Variants in CPNE4 observed in about 807,000 individuals in gnomAD.
CPNE4 encodes copine 4.
In CPNE4, 25 loss-of-function variants were observed where a neutral mutation model predicts 67.9. The observed-to-expected ratio is 0.37, with a 90% CI of 0.27 to 0.51. The LOEUF is 0.51. Among genes scored for constraint, CPNE4 ranks in the 20% least tolerant of loss-of-function variants. The pLI, the probability that CPNE4 is intolerant of heterozygous loss-of-function variation, is 0.93. For missense variants in CPNE4, 464 were observed against 690.8 expected, an observed-to-expected ratio of 0.67 and a Z score of 3.68; for synonymous variants, 242 against 244.9, an observed-to-expected ratio of 0.99 and a Z score of 0.11.
At chr3:131,606,598 T>G (rs758473047) in intron 7 of CPNE4, among the ~76,000 whole-genome samples, 32 of 152,168 alleles carry the variant, frequency 2.1e-4, no homozygotes, top group Non-Finnish European at 4.7e-4. Flanking sequence ...TTTGGATTAC[T>G]TGGGCTGAAT....
In CPNE4 at chr3:131,900,099, G is replaced by T. The variant is rs553192757; in HGVS notation, c.180+5165C>A. Among the ~76,000 whole-genome samples the T allele has an allele frequency of 2.6e-5, 4 of 151,970 alleles. No individual in the cohort carries two copies. The South Asian group carries it at 8.3e-4, about 32-fold the overall frequency. Reference sequence around the variant, plus strand: ...GAAAATGAAAAACAGTGGAGGGATCGGAATTAATCACCAGAATTATAAGGA... The same window carrying T: ...GAAAATGAAAAACAGTGGAGGGATCTGAATTAATCACCAGAATTATAAGGA... On this transcript the variant is annotated intron_variant, in intron 2 of 15. Transcript: ENST00000429747.
chr3:131,685,974 G>T lies in CPNE4; in HGVS notation c.508-16C>A. 2 of 1,423,110 alleles carry T rather than the reference G, an allele frequency of 1.4e-6. No homozygotes were observed. The highest frequency in any genetic ancestry group is 2.0e-6 in the Non-Finnish European group (2 of 1,008,248). 88.2% of individuals were successfully genotyped at this position (1,423,110 alleles called of 1,614,324 possible). On this transcript the variant is annotated splice_polypyrimidine_tract_variant and intron_variant, in intron 5 of 15. Coordinates refer to ENST00000429747, the MANE Select transcript of CPNE4 (RefSeq NM_130808.3). Reference sequence around the variant, plus strand: ...TGAAGAAATCCTAAAATAGATAAACGTCAATGAATTGTTTTTCCTCCTGCA... The same window carrying T: ...TGAAGAAATCCTAAAATAGATAAACTTCAATGAATTGTTTTTCCTCCTGCA...
chr3:131,985,778 G>T (rs577893064), intron 1 of CPNE4: 2 of 153,828 alleles, frequency 1.3e-5, no homozygotes, highest in South Asian at 2.0e-4. Context: ...TAAGTGAGAT[G>T]CTGTAATAAA....
At chr3:131,860,551 C>T (rs1379604935) in intron 2 of CPNE4, among the ~76,000 whole-genome samples, 1 of 152,170 alleles carries the variant, frequency 6.6e-6, no homozygotes, top group Non-Finnish European at 1.5e-5. Context: ...AAGCTCTCCA[C>T]ACATTTTAAC....
intron 1 of CPNE4, among the ~76,000 whole-genome samples, chr3:131,965,663 A>G (rs967391726): frequency 6.6e-6 from 1 of 152,216 alleles, no homozygotes; most frequent in Non-Finnish European, 1.5e-5. Context: ...TCAATGCAAC[A>G]AGAAGAGCTA....
intron 10 of CPNE4, among the ~76,000 whole-genome samples, chr3:131,570,679 G>A (rs138398348): frequency 5.5e-4 from 84 of 152,108 alleles, no homozygotes; most frequent in African/African-American, 1.8e-3. Context: ...ATGACTTAAG[G>A]ATTCATGTGA....
intron 2 of CPNE4, among the ~76,000 whole-genome samples, chr3:131,857,521 T>C (rs149052491): frequency 6.6e-6 from 1 of 151,646 alleles, no homozygotes; most frequent in Non-Finnish European, 1.5e-5. Flanking sequence ...TAGCTTGACT[T>C]TGGGGGGATA....
chr3:131,656,053 CTT>C (rs11360041), intron 7 of CPNE4, among the ~76,000 whole-genome samples: 270 of 131,638 alleles, frequency 2.1e-3, no homozygotes, highest in African/African-American at 6.3e-3. Context: ...AATACTGTTT[CTT>C]TTTTTTTTTT....
chr3:131,978,156 T>C (rs1255496500), intron 1 of CPNE4, among the ~76,000 whole-genome samples: 1 of 71,262 alleles, frequency 1.4e-5, no homozygotes, highest in Non-Finnish European at 2.2e-5. Flanking sequence ...ATAAAATATA[T>C]AAATATATAT....
At chr3:131,538,176 C>A (rs1395611329) in intron 15 of CPNE4, among the ~76,000 whole-genome samples, 1 of 152,218 alleles carries the variant, frequency 6.6e-6, no homozygotes, top group Non-Finnish European at 1.5e-5. Flanking sequence ...AATAGATCTT[C>A]CTCTGATGAT....
intron 7 of CPNE4, among the ~76,000 whole-genome samples, chr3:131,667,798 A>G (rs1249186029): frequency 6.6e-6 from 1 of 152,040 alleles, no homozygotes; most frequent in African/African-American, 2.4e-5. Flanking sequence ...TATTTATTCA[A>G]TTACAGATGA....
intron 1 of CPNE4, among the ~76,000 whole-genome samples, chr3:131,974,882 C>A (rs1288168081): frequency 2.0e-5 from 3 of 152,060 alleles, no homozygotes; most frequent in Non-Finnish European, 4.4e-5. Flanking sequence ...GTGGTGCACA[C>A]CTGTAGTCCC....
At chr3:131,567,296 G>C (rs530725274) in intron 10 of CPNE4, among the ~76,000 whole-genome samples, 34 of 152,144 alleles carry the variant, frequency 2.2e-4, no homozygotes, top group African/African-American at 8.2e-4. Context: ...CAGGCACCTA[G>C]TGGCAGCATC....
intron 7 of CPNE4, among the ~76,000 whole-genome samples, chr3:131,657,705 TG>T: frequency 1.4e-3 from 1 of 710 alleles, no homozygotes; most frequent in Non-Finnish European, 7.5e-3. Context: ...CAGCTAATTT[TG>T]TGTGTGTGTG....
chr3:131,811,819 T>C (rs996456706), intron 2 of CPNE4, among the ~76,000 whole-genome samples: 2 of 152,160 alleles, frequency 1.3e-5, no homozygotes, highest in Non-Finnish European at 1.5e-5. Flanking sequence ...AAATATTAAG[T>C]GCATCATCTC....
upstream of CPNE4, chr3:132,039,507 A>G (rs1210429538): frequency 2.6e-5 from 4 of 152,230 alleles, no homozygotes; most frequent in Non-Finnish European, 5.9e-5. Context: ...TCTAACTGAT[A>G]TACCATCAGA....
At position 131,655,098 on chromosome 3, in the gene CPNE4, A is replaced by G. The variant is rs138750520; in HGVS notation, c.681+14577T>C. Among the ~76,000 whole-genome samples the G allele has an allele frequency of 4.6e-5, 7 of 152,318 alleles. No homozygotes were observed. The East Asian group carries it at 1.4e-3, about 29-fold the overall frequency. On this transcript the variant is annotated intron_variant, in intron 7 of 15. Coordinates refer to ENST00000429747, the MANE Select transcript of CPNE4 (RefSeq NM_130808.3). The stretch of plus-strand genomic sequence containing the variant: ...GATATAGAGAAATTTTAAGGTTGAG[A>G]TGGGTGAATTGAGGGAAATGTATTG...
At chr3:131,859,389 T>C (rs569249647) in intron 2 of CPNE4, among the ~76,000 whole-genome samples, 29 of 152,324 alleles carry the variant, frequency 1.9e-4, no homozygotes, top group African/African-American at 7.0e-4. Context: ...ATACTCATCA[T>C]TGTAAACCAC....
At position 131,549,806 on chromosome 3, in the gene CPNE4, T is replaced by C. The variant is rs760587284; in HGVS notation, c.1302+141A>G. 1.6e-5 allele frequency: 14 copies of C among 892,640 alleles called. No homozygotes were observed. The Admixed American group carries it at 2.2e-4, about 14-fold the overall frequency. The allele number at this position is 892,640 out of a possible 1,614,324, so 55.3% of individuals were successfully genotyped here. On this transcript the variant is annotated intron_variant, in intron 14 of 15. Transcript: ENST00000429747. ...ATGTTTCAGATGTCAAGACTGAGGA[T>C]AGGAGGAGGTTAAGTCATTTGTCCA... is the stretch of plus-strand genomic sequence containing the variant.
Sources: gnomAD v4.1 joint callset for allele counts (sites outside exome capture counted in the v4.1 genomes callset) on GRCh38, gnomAD v4.1.1 for gene constraint, MANE v1.5 for transcripts, NCBI Gene and HGNC (gene_info 2026-07-23, HGNC 2026-07-21) for gene names.